Variants in BBS9 observed in about 807,000 individuals in gnomAD.
BBS9 encodes Bardet-Biedl syndrome 9.
Under a neutral mutation model 117.7 loss-of-function variants are expected in BBS9, and 89 were observed. The ratio of observed to expected loss-of-function variants is 0.76; its 90% CI spans 0.64 to 0.90. The LOEUF (loss-of-function observed/expected upper bound fraction) is 0.90. Ranked by LOEUF, BBS9 falls within the 40% of genes least tolerant of loss-of-function variation. The pLI, the probability that BBS9 is intolerant of heterozygous loss-of-function variation, is 0.00. For synonymous variants in BBS9, 379 were observed against 370.9 expected (o/e 1.02, Z -0.25); for missense variants, 982 against 1,042.2 (o/e 0.94, Z 0.80).
chr7:33,541,204 A>T (rs949753122), intron 21 of BBS9, among the ~76,000 whole-genome samples: 3 of 151,292 alleles, frequency 2.0e-5, no homozygotes, highest in African/African-American at 7.3e-5. Context: ...CCTGAAGGAA[A>T]CTCACCTCCT....
chr7:33,553,517 C>T (rs1854793908), intron 21 of BBS9, among the ~76,000 whole-genome samples: 1 of 152,112 alleles, frequency 6.6e-6, no homozygotes, highest in Non-Finnish European at 1.5e-5. Context: ...CCAGTAATGC[C>T]CTCTGACTCT....
intron 9 of BBS9, among the ~76,000 whole-genome samples, chr7:33,275,751 A>T (rs1313822601): frequency 1.3e-5 from 2 of 152,200 alleles, no homozygotes; most frequent in Non-Finnish European, 2.9e-5. Context: ...TATACAAGGG[A>T]TGTACCCATT....
chr7:33,257,214 A>AT, intron 5 of BBS9, 22 bp from the exon 6 acceptor site: 3 of 1,545,000 alleles, frequency 1.9e-6, no homozygotes, highest in Non-Finnish European at 2.7e-6. Context: ...AGATTATCTA[A>AT]TTTTCTCTAA....
At chr7:33,569,407 G>GTGTGTGTATATATATATATATATATATA (rs200044450) in intron 21 of BBS9, among the ~76,000 whole-genome samples, 1 of 149,614 alleles carries the variant, frequency 6.7e-6, no homozygotes, top group South Asian at 2.2e-4. Context: ...ATACAGATGT[G>GTGTGTGTATATATATATATATATATATA]TATATATATA....
In BBS9 at chr7:33,388,244, C is replaced by T. The variant is rs1375004727; in HGVS notation, c.2115+100C>T. 2.1e-6 allele frequency: 3 copies of T among 1,438,596 alleles called. No homozygotes were observed. The African/African-American group carries it at 4.2e-5, about 20-fold the overall frequency. 89.1% of individuals were successfully genotyped at this position (1,438,596 alleles called of 1,614,324 possible). A position where few individuals can be genotyped will look rare whatever the true frequency, so the allele number is the denominator to read the frequency against. On this transcript the variant is annotated intron_variant, in intron 19 of 22. Coordinates refer to ENST00000242067, the MANE Select transcript of BBS9 (RefSeq NM_198428.3). ...ATATCCAAGATAAGGTACTCATTTC[C>T]AGTGCTTTAAGGAACAGTGAACAGT...
At chr7:33,422,706 A>G (rs1477635424) in intron 19 of BBS9, among the ~76,000 whole-genome samples, 1 of 152,190 alleles carries the variant, frequency 6.6e-6, no homozygotes, top group Non-Finnish European at 1.5e-5. Context: ...TAATTACCAG[A>G]GAAACAGAGC....
At chr7:33,435,266 A>G (rs933455720) in intron 19 of BBS9, among the ~76,000 whole-genome samples, 2 of 152,302 alleles carry the variant, frequency 1.3e-5, no homozygotes, top group Admixed American at 1.3e-4. Context: ...GTCATCAAAA[A>G]TTCTATGTAT....
chr7:33,359,383 G>A (rs1025751266), intron 16 of BBS9, among the ~76,000 whole-genome samples: 9 of 151,932 alleles, frequency 5.9e-5, no homozygotes, highest in South Asian at 2.1e-4. Flanking sequence ...CATAAGATAC[G>A]AATTGTATAG....
At chr7:33,364,279 C>T (rs77625171) in intron 16 of BBS9, among the ~76,000 whole-genome samples, 1 of 152,068 alleles carries the variant, frequency 6.6e-6, no homozygotes, top group Non-Finnish European at 1.5e-5. Context: ...ATTTGCCAAA[C>T]TGTATTTTAG....
intron 9 of BBS9, among the ~76,000 whole-genome samples, chr7:33,276,080 ATTG>A (rs1327477508): frequency 3.3e-5 from 5 of 152,204 alleles, no homozygotes; most frequent in Non-Finnish European, 5.9e-5. Context: ...ATAAATTCTA[ATTG>A]TTGAACTGAA....
chr7:33,383,923 GC>G (rs1825547842), intron 18 of BBS9, 85 bp downstream of exon 18: 1 of 1,371,308 alleles, frequency 7.3e-7, no homozygotes, highest in Admixed American at 2.0e-5. Context: ...CTGTATGCAT[GC>G]CATTAGGCTA....
At chr7:33,170,062 A>G (rs1413229746) in intron 4 of BBS9, among the ~76,000 whole-genome samples, 2 of 152,030 alleles carry the variant, frequency 1.3e-5, no homozygotes, top group Non-Finnish European at 2.9e-5. Flanking sequence ...AAACTATTCC[A>G]ATCAATAGAA....
chr7:33,346,115 C>A, intron 12 of BBS9: 1 of 302,910 alleles, frequency 3.3e-6, no homozygotes, highest in Non-Finnish European at 6.6e-6. Context: ...GCAAGGGGTG[C>A]AGAAAATTGG....
chr7:33,317,766 C>T (rs115882136), intron 9 of BBS9, among the ~76,000 whole-genome samples: 5,613 of 152,232 alleles, frequency 0.037, 182 homozygotes, highest in African/African-American at 0.086. Context: ...AAAACCCTTG[C>T]ATGGGCCAGG....
At position 33,630,085 on chromosome 7, in the gene BBS9, T is replaced by C. The variant is rs371933746; in HGVS notation, c.2522-5092T>C. Among the ~76,000 whole-genome samples the C allele has an allele frequency of 5.5e-4, 84 of 152,302 alleles. 2 individuals are homozygous for C. The Middle Eastern group carries it at 0.02, about 37-fold the overall frequency. ...TTTTTTGTAATGTGCCACAGGTTTA[T>C]AAAACTTTCCATTTGAATTTTTGAT... is the stretch of plus-strand genomic sequence containing the variant. On this transcript the variant is annotated intron_variant, in intron 21 of 21. Transcript: ENST00000671952.
At chr7:33,554,731 TG>T (rs1300319572) in intron 21 of BBS9, among the ~76,000 whole-genome samples, 2 of 152,164 alleles carry the variant, frequency 1.3e-5, no homozygotes, top group Non-Finnish European at 2.9e-5. Context: ...GCAGATGGAC[TG>T]TCAGGAGACA....
At chr7:33,182,429 A>G (rs575812380) in intron 5 of BBS9, among the ~76,000 whole-genome samples, 81 of 152,316 alleles carry the variant, frequency 5.3e-4, no homozygotes, top group African/African-American at 1.8e-3. Flanking sequence ...CCCAGGCCTT[A>G]CTTAAAATCT....
intron 5 of BBS9, among the ~76,000 whole-genome samples, chr7:33,185,097 A>T (rs1053721469): frequency 1.3e-5 from 2 of 152,194 alleles, no homozygotes; most frequent in African/African-American, 2.4e-5. Context: ...CATTATAATT[A>T]GTGATAATGA....
At chr7:33,574,373 G>C (rs1247927473) in intron 21 of BBS9, among the ~76,000 whole-genome samples, 1 of 152,046 alleles carries the variant, frequency 6.6e-6, no homozygotes, top group Non-Finnish European at 1.5e-5. Context: ...CACTTTTTAA[G>C]CACATTACAC....
Sources: allele counts gnomAD v4.1 joint callset (sites outside exome capture counted in the v4.1 genomes callset), GRCh38; gene constraint gnomAD v4.1.1; transcripts MANE v1.5; gene names NCBI Gene and HGNC (gene_info 2026-07-23, HGNC 2026-07-21).